The following KPNA3 variants were observed in gnomAD, a reference collection of about 807,000 sequenced individuals.
The protein encoded by KPNA3 is karyopherin subunit alpha 3.
A neutral mutation model predicts 73.8 loss-of-function variants in KPNA3; 13 were observed. The ratio of observed to expected loss-of-function variants is 0.18; its 90% confidence interval spans 0.11 to 0.28. The LOEUF (loss-of-function observed/expected upper bound fraction) is 0.28. KPNA3 is among the 10% of genes least tolerant of loss of function. KPNA3 has a pLI of 1.00. For missense variants in KPNA3, 360 were observed against 618.1 expected (o/e 0.58, Z 4.43); for synonymous variants, 186 against 206.9 (o/e 0.90, Z 0.87).
At position 49,772,988 on chromosome 13, in the gene KPNA3, A is replaced by G. The variant is rs151114980; in HGVS notation, c.69+19450T>C. 2.2e-3 allele frequency among the ~76,000 whole-genome samples: 335 copies of G among 152,330 alleles called. 2 individuals are homozygous for G. The highest frequency in any genetic ancestry group is 7.2e-3 in the African/African-American group (301 of 41,578). The stretch of plus-strand genomic sequence containing the variant: ...AAACTAGTAACAACTCAAATGGCCA[A>G]CGGTAGGTAAATGGCCTACTGTTGT... On this transcript the variant is annotated intron_variant, in intron 1 of 16. Coordinates refer to ENST00000261667, the MANE Select transcript of KPNA3 (RefSeq NM_002267.4).
chr13:49,753,248 A>AG (rs1954681828), intron 1 of KPNA3, among the ~76,000 whole-genome samples: 1 of 152,164 alleles, frequency 6.6e-6, no homozygotes, highest in Non-Finnish European at 1.5e-5. Context: ...GAATCCATCC[A>AG]GAAAAACCAA....
intron 6 of KPNA3, among the ~76,000 whole-genome samples, chr13:49,727,435 G>A: frequency 1.4e-5 from 2 of 141,354 alleles, no homozygotes; most frequent in African/African-American, 2.6e-5. Context: ...GCGACAGAGA[G>A]AGATTCCATC....
intron 7 of KPNA3, among the ~76,000 whole-genome samples, chr13:49,725,037 T>C (rs896774830): frequency 7.2e-5 from 11 of 152,260 alleles, no homozygotes; most frequent in African/African-American, 2.2e-4. Context: ...TCTAGTACTT[T>C]TCTAAAGAGC....
At chr13:49,792,380 TC>T in intron 1 of KPNA3, 57 bp downstream of exon 1, 1 of 1,314,426 alleles carries the variant, frequency 7.6e-7, no homozygotes, top group Non-Finnish European at 1.0e-6. Flanking sequence ...CCCCCGCCCC[TC>T]CCCGCGTCGC....
intron 1 of KPNA3, among the ~76,000 whole-genome samples, chr13:49,780,272 G>T (rs1954930585): frequency 6.6e-6 from 1 of 152,024 alleles, no homozygotes; most frequent in African/African-American, 2.4e-5. Flanking sequence ...TTGCGCTCAA[G>T]ACACAGGTGA....
At chr13:49,703,842 A>C (rs1362318130) in intron 15 of KPNA3, among the ~76,000 whole-genome samples, 2 of 152,136 alleles carry the variant, frequency 1.3e-5, no homozygotes, top group African/African-American at 4.8e-5. Flanking sequence ...TTTCTTATAT[A>C]CTAATAAACC....
At chr13:49,786,170 A>G (rs1002893372) in intron 1 of KPNA3, among the ~76,000 whole-genome samples, 2 of 152,204 alleles carry the variant, frequency 1.3e-5, no homozygotes, top group African/African-American at 4.8e-5. Flanking sequence ...GTCAACACCA[A>G]AAGAAAATTA....
rs572851909 is a variant in KPNA3, at chr13:49,765,126, A to G, written c.70-18133T>C. ...ACAAACCCTTTCTAGGTTATCATAT[A>G]TATCTCCATGGCTTCAATTATCAAT... On this transcript the variant is annotated intron_variant, in intron 1 of 16. Transcript: ENST00000261667. Among the ~76,000 whole-genome samples, 103 of 152,292 alleles carry G rather than the reference A, an allele frequency of 6.8e-4. 1 individual carries two copies. Among genetic ancestry groups the G allele is most frequent in the African/African-American group, 2.4e-3 (100 of 41,572 alleles).
intron 7 of KPNA3, 134 bp from the exon 8 acceptor site, chr13:49,722,697 C>T: frequency 1.8e-6 from 1 of 551,758 alleles, no homozygotes; most frequent in Non-Finnish European, 3.2e-6. Context: ...ATATCTTTAC[C>T]CTAAAAAGAA....
At chr13:49,749,630 T>A (rs1307357677) in intron 1 of KPNA3, among the ~76,000 whole-genome samples, 1 of 152,162 alleles carries the variant, frequency 6.6e-6, no homozygotes, top group African/African-American at 2.4e-5. Flanking sequence ...AGTCTAAAAG[T>A]ACTATACCCA....
rs1954133912 is a variant in KPNA3, at chr13:49,700,135, A to G, written c.*1665T>C. 1.3e-5 allele frequency: 2 copies of G among 152,634 alleles called. No individual in the cohort carries two copies. The highest frequency in any genetic ancestry group is 4.1e-4 in the South Asian group (2 of 4,830). 9.5% of individuals were successfully genotyped at this position (152,634 alleles called of 1,614,324 possible). On this transcript the variant is annotated 3_prime_UTR_variant, in exon 17 of 17. Transcript: ENST00000261667. ...TTAAACATACGCTTGTATCCACTTT[A>G]GATACAAGACAAAACTCACTCTTTA... is the stretch of plus-strand genomic sequence containing the variant.
intron 1 of KPNA3, among the ~76,000 whole-genome samples, chr13:49,792,059 G>T (rs1423249705): frequency 6.6e-6 from 1 of 152,150 alleles, no homozygotes; most frequent in Non-Finnish European, 1.5e-5. Flanking sequence ...GGTGGCGGGC[G>T]CAAGCAGCGG....
Position 49,699,694 on chromosome 13 carries a change from G to A in KPNA3, c.*2106C>T, listed in dbSNP as rs983382785. ...AGAGGCCCAATTTTAATCATAATGT[G>A]TGCAAATTTTAAAAGGTAACTGTCA... On this transcript the variant is annotated 3_prime_UTR_variant, in exon 17 of 17. Coordinates refer to ENST00000261667, the MANE Select transcript of KPNA3 (RefSeq NM_002267.4). 5 of 152,574 alleles carry A rather than the reference G, an allele frequency of 3.3e-5. No homozygotes were observed. Among genetic ancestry groups the A allele is most frequent in the African/African-American group, 9.7e-5 (4 of 41,422 alleles). The allele number at this position is 152,574 out of a possible 1,614,324, so 9.5% of individuals were successfully genotyped here.
chr13:49,718,017 G>A (rs997793901), intron 10 of KPNA3, among the ~76,000 whole-genome samples: 1 of 151,768 alleles, frequency 6.6e-6, no homozygotes, highest in African/African-American at 2.4e-5. Context: ...GTGAGCCTAT[G>A]GATTATACTG....
At chr13:49,733,814 A>G (rs534641658) in intron 2 of KPNA3, among the ~76,000 whole-genome samples, 3 of 152,320 alleles carry the variant, frequency 2.0e-5, no homozygotes, top group East Asian at 3.9e-4. Context: ...GCCATGGAGA[A>G]TAAGACTGTG....
At chr13:49,720,651 G>A (rs1173693385) in intron 9 of KPNA3, among the ~76,000 whole-genome samples, 4 of 148,696 alleles carry the variant, frequency 2.7e-5, no homozygotes, top group African/African-American at 7.5e-5. Flanking sequence ...AGAATCGCTT[G>A]AACCCCGGAT....
At chr13:49,791,799 C>G (rs1955035094) in intron 1 of KPNA3, among the ~76,000 whole-genome samples, 1 of 152,224 alleles carries the variant, frequency 6.6e-6, no homozygotes, top group Admixed American at 6.5e-5. Flanking sequence ...TGAGCTGCAA[C>G]AGCTCGGCAC....
intron 6 of KPNA3, among the ~76,000 whole-genome samples, chr13:49,729,455 T>A (rs1954440905): frequency 6.6e-6 from 1 of 151,134 alleles, no homozygotes. Flanking sequence ...TAAAAAAAAA[T>A]GAGAAAAGAT....
chr13:49,733,620 T>G (rs180873612), intron 2 of KPNA3, among the ~76,000 whole-genome samples: 1 of 152,300 alleles, frequency 6.6e-6, no homozygotes, highest in East Asian at 1.9e-4. Flanking sequence ...ACTTAAATTG[T>G]AGATTGTTTG....
Sources: allele counts gnomAD v4.1 joint callset (sites outside exome capture counted in the v4.1 genomes callset), GRCh38; gene constraint gnomAD v4.1.1; transcripts MANE v1.5; gene names NCBI Gene and HGNC (gene_info 2026-07-23, HGNC 2026-07-21).